Variants in ZNF569 observed in about 807,000 individuals in gnomAD.
The protein encoded by ZNF569 is zinc finger protein 569.
In ZNF569, 38 loss-of-function variants were observed where a neutral mutation model predicts 56.3. That is an observed-to-expected ratio of 0.68 (90% CI 0.52 to 0.88). The LOEUF is 0.88. Ranked by LOEUF, ZNF569 falls within the 40% of genes least tolerant of loss-of-function variation. The pLI is 0.00. For synonymous variants in ZNF569, 241 were observed against 262.9 expected (o/e 0.92, Z 0.81); for missense variants, 666 against 809.2 (o/e 0.82, Z 2.15).
At chr19:37,449,244 C>G (rs575532846) in intron 2 of ZNF569, among the ~76,000 whole-genome samples, 1 of 152,116 alleles carries the variant, frequency 6.6e-6, no homozygotes, top group Non-Finnish European at 1.5e-5. Context: ...CAAATATGAT[C>G]TATGTAGGTG....
intron 3 of ZNF569, among the ~76,000 whole-genome samples, chr19:37,444,599 G>T (rs1357776671): frequency 6.6e-6 from 1 of 152,046 alleles, no homozygotes. Flanking sequence ...TCAATGAAAA[G>T]CTTATTTCTG....
intron 5 of ZNF569, among the ~76,000 whole-genome samples, chr19:37,421,743 C>CTTT (rs748058159): frequency 0.011 from 878 of 79,730 alleles, 15 homozygotes; most frequent in Middle Eastern, 0.022. Context: ...TGTAGTGGCA[C>CTTT]TTTTTTTTTT....
At chr19:37,456,753 G>A (rs1253174792) in intron 2 of ZNF569, among the ~76,000 whole-genome samples, 1 of 152,082 alleles carries the variant, frequency 6.6e-6, no homozygotes, top group African/African-American at 2.4e-5. Context: ...CGGATCACAA[G>A]GTCAGGAGTT....
chr19:37,421,608 G>A (rs547738678), intron 5 of ZNF569, among the ~76,000 whole-genome samples: 2 of 152,158 alleles, frequency 1.3e-5, no homozygotes, highest in African/African-American at 4.8e-5. Context: ...GCTTGTCCTG[G>A]ATTATGCTTT....
chr19:37,468,978 A>C, upstream of ZNF569: 3 of 895,762 alleles, frequency 3.3e-6, no homozygotes, highest in Non-Finnish European at 4.0e-6. Flanking sequence ...CCCACGCACA[A>C]ACCTTTTCCC....
rs1380619233 is a variant in ZNF569 at position 37,412,725 on chromosome 19, G to A, written c.1933C>T (p.Gln645Ter). The A allele has an allele frequency of 6.2e-7, 1 of 1,614,020 alleles. No homozygotes were observed. Among genetic ancestry groups the A allele is most frequent in the Non-Finnish European group, 8.5e-7 (1 of 1,179,980 alleles). ...DCSKCGKAFS[Q>*]ISSLTLHMRK... ...ATATGAAGGGTAAGAGATGAGATTT[G>A]AGAGAAGGCTTTTCCACATTTACTA... Residue 645 changes from glutamine to a stop codon, truncating the protein, a stop_gained, in exon 6 of 6, where the codon CAA becomes TAA. Transcript: ENST00000316950. LOFTEE classifies it high-confidence loss of function.
In ZNF569 at chr19:37,414,246, CAT is replaced by C; in HGVS notation, c.410_411del (p.Tyr137Ter). On this transcript the variant is annotated frameshift_variant, in exon 6 of 6. Transcript: ENST00000316950. LOFTEE classifies it high-confidence loss of function. ...SDFFPSRHNL[Y>X]EYDLFGKCLE... Reference sequence around the variant, plus strand: ...AAACACTTTCCAAATAAGTCATACTCATAGAGATTGTGTCTGGAAGGGAAAAA... The same window carrying C: ...AAACACTTTCCAAATAAGTCATACTCAGAGATTGTGTCTGGAAGGGAAAAA... 1 of 1,613,468 alleles carries C rather than the reference CAT, an allele frequency of 6.2e-7. No homozygotes were observed. Among genetic ancestry groups the C allele is most frequent in the Non-Finnish European group, 8.5e-7 (1 of 1,179,756 alleles).
chr19:37,413,553 G>T lies in ZNF569; in HGVS notation c.1105C>A (p.Leu369Ile), dbSNP rs1166300548. 1.2e-6 allele frequency: 2 copies of T among 1,613,140 alleles called. No individual in the cohort carries two copies. Among genetic ancestry groups the T allele is most frequent in the South Asian group, 2.2e-5 (2 of 90,954 alleles). The part of the protein sequence containing the change: ...CGKAFSQFSM[L>I]IIHVRIHTGE... ...GTATGAATTCTAACATGTATAATAAGCATGGAAAACTGAGAGAAGGCTTTA... is the reference window on the plus strand; with the variant it reads ...GTATGAATTCTAACATGTATAATAATCATGGAAAACTGAGAGAAGGCTTTA... Residue 369 changes from leucine to isoleucine, a missense_variant, in exon 6 of 6, where the codon CTT becomes ATT. Physicochemically the swap from Leu to Ile is conservative, Grantham distance 5 (BLOSUM62 2). Transcript: ENST00000316950.
At position 37,412,581 on chromosome 19, in the gene ZNF569, A is replaced by G. The variant is rs943234290; in HGVS notation, c.*16T>C. On this transcript the variant is annotated 3_prime_UTR_variant, in exon 6 of 6. Coordinates refer to ENST00000316950, the MANE Select transcript of ZNF569 (RefSeq NM_152484.3). The stretch of plus-strand genomic sequence containing the variant: ...CTTCAGATGGCCTTGCCATATTCAC[A>G]ATATTCATAGGGTTTCTAATGAGTA... The G allele has an allele frequency of 5.8e-6, 9 of 1,556,384 alleles. No homozygotes were observed. The highest frequency in any genetic ancestry group is 7.8e-6 in the Non-Finnish European group (9 of 1,154,764).
rs2040859251 is a variant in ZNF569, at chr19:37,412,786, A to T, written c.1872T>A (p.His624Gln). 3 of 1,614,018 alleles carry T rather than the reference A, an allele frequency of 1.9e-6. No individual in the cohort carries two copies. The highest frequency in any genetic ancestry group is 2.5e-6 in the Non-Finnish European group (3 of 1,179,944). The change falls in exon 6 of 6, where the codon CAT becomes CAA. Residue 624 changes from histidine (H) to glutamine (Q), a missense_variant. Coordinates refer to ENST00000316950, the MANE Select transcript of ZNF569 (RefSeq NM_152484.3). ...GTTTCTCACCTGTATGTCCTCGTAT[A>T]TGTATAGTAAGGGATGAGCTTTGGG... ...AFSQSSSLTI[H>Q]IRGHTGEKPF...
At chr19:37,445,153 G>T (rs1007154310) in intron 2 of ZNF569, among the ~76,000 whole-genome samples, 189 bp from the exon 3 acceptor site, 19 of 152,174 alleles carry the variant, frequency 1.2e-4, no homozygotes, top group Admixed American at 1.2e-3. Flanking sequence ...CAGAGCTTGG[G>T]CACAGGGTGG....
Position 37,424,257 on chromosome 19 carries a change from G to T in ZNF569, c.238+1611C>A, listed in dbSNP as rs1600299443. Among the ~76,000 whole-genome samples, 3 of 152,136 alleles carry T rather than the reference G, an allele frequency of 2.0e-5. No individual in the cohort carries two copies. In the South Asian group the frequency reaches 6.2e-4, roughly 31 times the overall value. On this transcript the variant is annotated intron_variant, in intron 5 of 5. Transcript: ENST00000316950. Reference sequence around the variant, plus strand: ...AGGGACTATAAATGTCAGTAGGTTTGATTTAACAACTGCAAATTAGTGAAT... The same window carrying T: ...AGGGACTATAAATGTCAGTAGGTTTTATTTAACAACTGCAAATTAGTGAAT...
intron 2 of ZNF569, 72 bp from the exon 3 acceptor site, chr19:37,445,036 T>C: frequency 8.6e-7 from 1 of 1,166,084 alleles, no homozygotes; most frequent in East Asian, 2.5e-5. Context: ...ACAGGGTGGA[T>C]TAAAGGTCAC....
At chr19:37,423,631 A>G (rs2041074228) in intron 5 of ZNF569, among the ~76,000 whole-genome samples, 1 of 152,110 alleles carries the variant, frequency 6.6e-6, no homozygotes. Flanking sequence ...TCTCTTTGGG[A>G]AAAAAACACA....
chr19:37,454,526 A>G (rs2041642706), intron 2 of ZNF569, among the ~76,000 whole-genome samples: 1 of 151,996 alleles, frequency 6.6e-6, no homozygotes, highest in African/African-American at 2.4e-5. Context: ...TCCCTTTCCT[A>G]AACTGCAATA....
upstream of ZNF569, chr19:37,468,106 G>A (rs1159397848): frequency 9.3e-6 from 6 of 648,276 alleles, no homozygotes; most frequent in Admixed American, 1.7e-4. Flanking sequence ...TTTTTTTGAG[G>A]CAGAGCCTCA....
upstream of ZNF569, chr19:37,469,203 G>A: frequency 6.3e-6 from 8 of 1,279,430 alleles, no homozygotes; most frequent in South Asian, 1.8e-5. Context: ...TGGGGAGGAG[G>A]CCGTGTTACA....
In ZNF569 at chr19:37,425,910, GTTC is replaced by G. The variant is rs1353475384; in HGVS notation, c.193_195del (p.Glu65del). ...AATACTTCTTCCTCCATCACCCATG[GTTC>G]TTCTTCTTGCTCCAATTTGAAAATC... On this transcript the variant is annotated inframe_deletion, in exon 5 of 6. Coordinates refer to ENST00000316950, the MANE Select transcript of ZNF569 (RefSeq NM_152484.3). 3 of 1,613,778 alleles carry G rather than the reference GTTC, an allele frequency of 1.9e-6. No homozygotes were observed. Among genetic ancestry groups the G allele is most frequent in the East Asian group, 2.2e-5 (1 of 44,852 alleles).
intron 2 of ZNF569, among the ~76,000 whole-genome samples, chr19:37,459,212 A>C (rs534015443): frequency 6.6e-6 from 1 of 152,262 alleles, no homozygotes; most frequent in South Asian, 2.1e-4. Context: ...GGAAGCGCAA[A>C]GAACACTAAG....
Sources: allele counts gnomAD v4.1 joint callset (sites outside exome capture counted in the v4.1 genomes callset), GRCh38; gene constraint gnomAD v4.1.1; transcripts MANE v1.5; gene names NCBI Gene and HGNC (gene_info 2026-07-23, HGNC 2026-07-21).